The following RBFOX2 variants were observed in gnomAD, a reference collection of about 807,000 sequenced individuals.
The protein encoded by RBFOX2 is RNA binding fox-1 homolog 2, also known as RNA binding protein fox-1 homolog 2.
Under a neutral mutation model 49.1 loss-of-function variants are expected in RBFOX2, and 10 were observed. The ratio of observed to expected loss-of-function variants is 0.20; its 90% confidence interval spans 0.13 to 0.35. The LOEUF is 0.35. Ranked by LOEUF, RBFOX2 falls within the 10% of genes least tolerant of loss-of-function variation. The pLI, the probability that RBFOX2 is intolerant of heterozygous loss-of-function variation, is 1.00. For missense variants in RBFOX2, 323 were observed against 486.9 expected (o/e 0.66, Z 3.17); for synonymous variants, 183 against 187.4 (o/e 0.98, Z 0.19).
intron 1 of RBFOX2, among the ~76,000 whole-genome samples, chr22:35,852,797 G>C (rs1477809525): frequency 2.0e-5 from 3 of 152,102 alleles, no homozygotes; most frequent in African/African-American, 7.2e-5. Flanking sequence ...TTCAATATTT[G>C]GTGACTTAAT....
At chr22:35,827,982 G>A (rs965476291) in intron 1 of RBFOX2, among the ~76,000 whole-genome samples, 14 of 152,070 alleles carry the variant, frequency 9.2e-5, no homozygotes, top group African/African-American at 3.4e-4. Context: ...CCAACAAGGT[G>A]AAACCCCATC....
chr22:35,932,658 A>G (rs771102679), intron 1 of RBFOX2, among the ~76,000 whole-genome samples: 14 of 152,232 alleles, frequency 9.2e-5, no homozygotes, highest in Non-Finnish European at 1.5e-4. Context: ...AGGTGAGCAG[A>G]TCACCTGAGG....
At chr22:35,820,932 T>TGG (rs1030846999) in intron 1 of RBFOX2, among the ~76,000 whole-genome samples, 6 of 152,072 alleles carry the variant, frequency 3.9e-5, no homozygotes, top group Non-Finnish European at 5.9e-5. Flanking sequence ...AGATATAGAC[T>TGG]GGGGGGCCTG....
intron 1 of RBFOX2, among the ~76,000 whole-genome samples, chr22:35,873,288 C>A (rs886154949): frequency 1.3e-5 from 2 of 152,048 alleles, no homozygotes; most frequent in East Asian, 1.9e-4. Flanking sequence ...TGTACCACCA[C>A]GCCCAGCTGA....
chr22:35,913,562 A>G lies in RBFOX2; in HGVS notation c.-34+25285T>C, dbSNP rs573122409. Among the ~76,000 whole-genome samples the G allele has an allele frequency of 1.1e-3, 165 of 149,258 alleles. 1 individual carries two copies. The highest frequency in any genetic ancestry group is 7.8e-3 in the East Asian group (40 of 5,108). On this transcript the variant is annotated intron_variant, in intron 1 of 13. Transcript: ENST00000359369. Reference sequence around the variant, plus strand: ...TGTGTATATGTATGTGTGTGTGTGTATATATATATATAGATGGATAGAGAT... The same window carrying G: ...TGTGTATATGTATGTGTGTGTGTGTGTATATATATATAGATGGATAGAGAT...
intron 1 of RBFOX2, among the ~76,000 whole-genome samples, chr22:35,885,243 G>C (rs964536231): frequency 2.6e-5 from 4 of 152,040 alleles, no homozygotes; most frequent in Admixed American, 1.3e-4. Context: ...ACCTACCCCT[G>C]CCCAGCCTTT....
intron 1 of RBFOX2, among the ~76,000 whole-genome samples, chr22:35,857,730 A>G (rs1459706593): frequency 6.6e-6 from 1 of 152,210 alleles, no homozygotes; most frequent in Non-Finnish European, 1.5e-5. Flanking sequence ...AAAAGTAGAG[A>G]CAAAAGAAAA....
chr22:35,746,365 G>C, intron 10 of RBFOX2, 108 bp downstream of exon 12: 3 of 1,036,346 alleles, frequency 2.9e-6, no homozygotes, highest in Admixed American at 2.5e-5. Context: ...CAAGATGCCC[G>C]ATGTGCTAAG....
intron 1 of RBFOX2, among the ~76,000 whole-genome samples, chr22:36,014,115 ATCATT>A (rs995596642): frequency 4.0e-5 from 6 of 150,206 alleles, no homozygotes; most frequent in African/African-American, 4.9e-5. Context: ...GATACCTATT[ATCATT>A]TCTTTTTTTT....
intron 2 of RBFOX2, among the ~76,000 whole-genome samples, chr22:35,806,993 A>G (rs1430713086): frequency 6.6e-6 from 1 of 152,164 alleles, no homozygotes; most frequent in Admixed American, 6.5e-5. Context: ...TAGTAAGGAC[A>G]GGGTTTCACC....
intron 2 of RBFOX2, among the ~76,000 whole-genome samples, chr22:35,782,863 TTTA>T (rs1945494641): frequency 6.6e-6 from 1 of 152,224 alleles, no homozygotes; most frequent in African/African-American, 2.4e-5. Flanking sequence ...TATTTATTTA[TTTA>T]TTTTTTAATT....
At chr22:35,987,265 A>G (rs192897703) in intron 1 of RBFOX2, among the ~76,000 whole-genome samples, 23 of 152,350 alleles carry the variant, frequency 1.5e-4, no homozygotes. Flanking sequence ...CCAAGGGATA[A>G]GAACAAATTT....
In RBFOX2 at chr22:35,745,952, G is replaced by A. The variant is rs1932528972; in HGVS notation, c.1020C>T (p.Pro340=). Reference sequence around the variant, plus strand: ...GCGCCAACTCCATAGCTAGCGGCAGGGGCAAGGGCATGGTAGGGGTCGGCT... The same window carrying A: ...GCGCCAACTCCATAGCTAGCGGCAGAGGCAAGGGCATGGTAGGGGTCGGCT... Residue 340 remains proline (P), a synonymous_variant, in exon 11 of 12, where the codon CCC becomes CCT. Coordinates refer to ENST00000405409, the Ensembl canonical transcript of RBFOX2. The A allele has an allele frequency of 1.2e-6, 2 of 1,614,010 alleles. No homozygotes were observed. The highest frequency in any genetic ancestry group is 1.7e-6 in the Non-Finnish European group (2 of 1,179,926).
intron 1 of RBFOX2, among the ~76,000 whole-genome samples, chr22:35,855,936 G>A (rs1164184429): frequency 1.3e-5 from 2 of 151,986 alleles, no homozygotes; most frequent in Non-Finnish European, 2.9e-5. Context: ...AAGCCTAGGA[G>A]GTGGAGGTTG....
intron 9 of RBFOX2, among the ~76,000 whole-genome samples, chr22:35,755,019 G>A (rs1936446350): frequency 6.6e-6 from 1 of 152,168 alleles, no homozygotes. Context: ...CAAAACCTCT[G>A]AGTGCATTCT....
intron 1 of RBFOX2, among the ~76,000 whole-genome samples, chr22:35,882,256 G>T (rs1008176064): frequency 6.6e-6 from 1 of 152,132 alleles, no homozygotes; most frequent in East Asian, 1.9e-4. Context: ...ATTAGAGAAC[G>T]AAGTGATCAG....
intron 1 of RBFOX2, among the ~76,000 whole-genome samples, chr22:36,014,423 T>C (rs1488699769): frequency 6.6e-6 from 1 of 152,190 alleles, no homozygotes; most frequent in Non-Finnish European, 1.5e-5. Context: ...TGTTATCATT[T>C]CTTAAAGAGC....
intron 1 of RBFOX2, chr22:35,897,516 G>A: frequency 1.2e-6 from 1 of 819,858 alleles, no homozygotes; most frequent in Non-Finnish European, 2.2e-6. Context: ...GGCAAAAGGT[G>A]GCAAGGGGTA....
chr22:35,778,140 T>A (rs769433920), intron 3 of RBFOX2, 62 bp from the exon 5 acceptor site: 1 of 1,318,904 alleles, frequency 7.6e-7, no homozygotes, highest in Non-Finnish European at 1.1e-6. Context: ...TATTTTGTTA[T>A]CTTCTGAAAT....
Sources: allele counts gnomAD v4.1 joint callset (sites outside exome capture counted in the v4.1 genomes callset), GRCh38; gene constraint gnomAD v4.1.1; transcripts MANE v1.5; gene names NCBI Gene and HGNC (gene_info 2026-07-23, HGNC 2026-07-21).